Variants in MYRFL observed in about 807,000 individuals in gnomAD.
MYRFL encodes the protein myelin regulatory factor-like protein.
MYRFL carries 88 observed loss-of-function variants against 109.4 expected under a neutral mutation model. The ratio of observed to expected loss-of-function variants is 0.80; its 90% CI spans 0.68 to 0.96. MYRFL has a LOEUF of 0.96. Among genes scored for constraint, MYRFL ranks in the 40% least tolerant of loss-of-function variants. MYRFL has a pLI of 0.00. For synonymous variants in MYRFL, 324 were observed against 320.9 expected (o/e 1.01, Z -0.10); for missense variants, 957 against 954.9 (o/e 1.00, Z -0.03).
intron 8 of MYRFL, 49 bp from the exon 9 acceptor site, chr12:69,895,322 G>T: frequency 7.7e-7 from 1 of 1,302,754 alleles, no homozygotes; most frequent in Non-Finnish European, 1.1e-6. Context: ...TCAGAGATTT[G>T]GTGTTCTCTT....
At chr12:69,841,502 G>A (rs973829277) in intron 1 of MYRFL, among the ~76,000 whole-genome samples, 9 of 152,202 alleles carry the variant, frequency 5.9e-5, no homozygotes, top group African/African-American at 1.9e-4. Context: ...CTGATTTCAA[G>A]CTACTCACAT....
chr12:69,843,465 G>T (rs1883357234), intron 1 of MYRFL, among the ~76,000 whole-genome samples: 1 of 152,238 alleles, frequency 6.6e-6, no homozygotes, highest in South Asian at 2.1e-4. Context: ...GTTGGGGAAA[G>T]TGATGAAGAA....
chr12:69,923,411 G>GA (rs1437677806), intron 13 of MYRFL, among the ~76,000 whole-genome samples: 1 of 152,146 alleles, frequency 6.6e-6, no homozygotes, highest in South Asian at 2.1e-4. Flanking sequence ...AATGTAGCTA[G>GA]AAAATGTCTT....
At chr12:69,918,183 G>A (rs962844959) in intron 13 of MYRFL, among the ~76,000 whole-genome samples, 3 of 152,156 alleles carry the variant, frequency 2.0e-5, no homozygotes, top group Non-Finnish European at 2.9e-5. Context: ...GAAGGGCTGG[G>A]CACTTGGGCT....
chr12:69,838,911 A>C (rs1438186069), intron 1 of MYRFL, among the ~76,000 whole-genome samples: 1 of 152,244 alleles, frequency 6.6e-6, no homozygotes, highest in Non-Finnish European at 1.5e-5. Context: ...TTCCCTTCTT[A>C]GTTTGAATCC....
chr12:69,954,696 G>A (rs931181428), intron 21 of MYRFL, among the ~76,000 whole-genome samples: 1 of 152,196 alleles, frequency 6.6e-6, no homozygotes, highest in Middle Eastern at 3.4e-3. Context: ...TTCAAGGGAT[G>A]GTCAGGTAAT....
At chr12:69,934,417 T>C (rs1955380319) in intron 16 of MYRFL, among the ~76,000 whole-genome samples, 1 of 152,166 alleles carries the variant, frequency 6.6e-6, no homozygotes, top group Non-Finnish European at 1.5e-5. Flanking sequence ...TGCTAATTAG[T>C]GTTTTTAGCT....
At chr12:69,897,648 T>C (rs946742072) in intron 10 of MYRFL, among the ~76,000 whole-genome samples, 4 of 152,246 alleles carry the variant, frequency 2.6e-5, no homozygotes, top group Admixed American at 1.3e-4. Flanking sequence ...CATTTTACAT[T>C]GTTATACTTT....
intron 2 of MYRFL, among the ~76,000 whole-genome samples, chr12:69,866,042 A>G (rs970512107): frequency 2.6e-5 from 4 of 152,178 alleles, no homozygotes; most frequent in African/African-American, 9.6e-5. Context: ...GTAACTCTTC[A>G]TAGGTCAATA....
intron 2 of MYRFL, among the ~76,000 whole-genome samples, chr12:69,862,180 C>T (rs1884722166): frequency 6.6e-6 from 1 of 151,318 alleles, no homozygotes; most frequent in African/African-American, 2.4e-5. Flanking sequence ...AGTCAGGTAG[C>T]ATGATGCCTC....
chr12:69,861,549 C>T (rs1252278173), intron 2 of MYRFL, among the ~76,000 whole-genome samples: 2 of 149,338 alleles, frequency 1.3e-5, no homozygotes, highest in Admixed American at 6.7e-5. Context: ...ATGTCTTCTT[C>T]TGAGAAGTGT....
At chr12:69,860,896 C>T (rs1270500068) in intron 2 of MYRFL, among the ~76,000 whole-genome samples, 2 of 113,688 alleles carry the variant, frequency 1.8e-5, no homozygotes, top group Non-Finnish European at 3.6e-5. Flanking sequence ...CCCCCTCCCC[C>T]CTCCCCCCAC....
chr12:69,855,042 T>C (rs1022709957), intron 1 of MYRFL, among the ~76,000 whole-genome samples: 14 of 152,224 alleles, frequency 9.2e-5, no homozygotes, highest in African/African-American at 3.4e-4. Flanking sequence ...AAACAAGATA[T>C]TGAATTTCTT....
At chr12:69,920,420 T>C (rs1954873680) in intron 13 of MYRFL, among the ~76,000 whole-genome samples, 1 of 152,228 alleles carries the variant, frequency 6.6e-6, no homozygotes. Flanking sequence ...ACTCTCTTCA[T>C]TTCTCTAGAG....
intron 5 of MYRFL, among the ~76,000 whole-genome samples, chr12:69,880,951 GTTT>G (rs71094746): frequency 0.011 from 1,279 of 112,624 alleles, 24 homozygotes; most frequent in South Asian, 0.039. Flanking sequence ...CAGCCTTCCT[GTTT>G]TTTTTTTTTT....
intron 19 of MYRFL, among the ~76,000 whole-genome samples, chr12:69,938,527 G>C (rs774676154): frequency 7.9e-5 from 12 of 152,232 alleles, no homozygotes; most frequent in Admixed American, 1.3e-4. Flanking sequence ...ATACACTAGT[G>C]GCCCCATAAG....
chr12:69,936,078 G>GTTTTTTTTTTTTTTTTTTTTTTTTTTTT, intron 16 of MYRFL, 35 bp from the exon 17 acceptor site: 1 of 891,622 alleles, frequency 1.1e-6, no homozygotes, highest in East Asian at 6.0e-5. Context: ...GCCACATAAT[G>GTTTTTTTTTTTTTTTTTTTTTTTTTTTT]TTTTTTTTTT....
At chr12:69,833,828 C>CTTTTT (rs11300053) in intron 1 of MYRFL, among the ~76,000 whole-genome samples, 3 of 113,890 alleles carry the variant, frequency 2.6e-5, no homozygotes, top group Non-Finnish European at 3.5e-5. Flanking sequence ...ATAGGGCTTG[C>CTTTTT]TTTTTTTTTT....
chr12:69,957,757 A>T (rs1181754531), intron 22 of MYRFL, 65 bp from the exon 23 acceptor site: 49 of 1,469,338 alleles, frequency 3.3e-5, no homozygotes, highest in South Asian at 5.4e-5. Context: ...TCTTATCAAG[A>T]TGTATCCTAG....
Sources: gnomAD v4.1 joint callset for allele counts (sites outside exome capture counted in the v4.1 genomes callset) on GRCh38, gnomAD v4.1.1 for gene constraint, MANE v1.5 for transcripts, NCBI Gene and HGNC (gene_info 2026-07-23, HGNC 2026-07-21) for gene names.